Variants in CTNND2 observed in about 807,000 individuals in gnomAD.
CTNND2 encodes catenin delta 2.
CTNND2 carries 22 observed loss-of-function variants against 144.4 expected under a neutral mutation model. The observed-to-expected ratio is 0.15, with a 90% CI of 0.11 to 0.22. The LOEUF (loss-of-function observed/expected upper bound fraction) is 0.22, where lower values mean the gene tolerates loss of function less well. Among genes scored for constraint, CTNND2 ranks in the 10% least tolerant of loss-of-function variants. CTNND2 has a pLI of 1.00. For missense variants in CTNND2, 1,353 were observed against 1,618.8 expected (o/e 0.84, Z 2.82); for synonymous variants, 751 against 695.6 (o/e 1.08, Z -1.25).
chr5:11,762,595 T>C (rs1789331950), intron 1 of CTNND2, among the ~76,000 whole-genome samples: 1 of 152,354 alleles, frequency 6.6e-6, no homozygotes, highest in South Asian at 2.1e-4. Flanking sequence ...AGATGGATGA[T>C]AGCAATCAAG....
chr5:11,491,811 G>C (rs1769415871), intron 3 of CTNND2, among the ~76,000 whole-genome samples: 1 of 152,146 alleles, frequency 6.6e-6, no homozygotes, highest in South Asian at 2.1e-4. Context: ...CCGATACCCA[G>C]TCAATGTTTT....
intron 16 of CTNND2, among the ~76,000 whole-genome samples, chr5:11,040,104 G>A (rs1246254589): frequency 6.6e-6 from 1 of 151,940 alleles, no homozygotes; most frequent in Non-Finnish European, 1.5e-5. Context: ...AAATTAGCTG[G>A]GCATGGTGGC....
chr5:11,773,858 C>CAATCAATTTTAAAAGGA (rs971820279), intron 1 of CTNND2, among the ~76,000 whole-genome samples: 4 of 148,736 alleles, frequency 2.7e-5, no homozygotes, highest in African/African-American at 7.4e-5. Context: ...AATTTATAAC[C>CAATCAATTTTAAAAGGA]AATCAATTTT....
rs189575935 is a variant in CTNND2, at chr5:11,074,821, T to C, written c.2788+7875A>G. On this transcript the variant is annotated intron_variant, in intron 16 of 21. Coordinates refer to ENST00000304623, the MANE Select transcript of CTNND2 (RefSeq NM_001332.4). ...AAGACAGAACATTTTTATGTCGTCC[T>C]TTAAATATCACCAGGAATCTTTGTC... 1.5e-4 allele frequency among the ~76,000 whole-genome samples: 23 copies of C among 152,326 alleles called. No individual in the cohort carries two copies. The East Asian group carries it at 4.2e-3, about 28-fold the overall frequency.
At chr5:11,199,712 C>T (rs890915163) in intron 10 of CTNND2, 51 bp from the exon 11 acceptor site, 4 of 1,359,162 alleles carry the variant, frequency 2.9e-6, no homozygotes, top group African/African-American at 2.9e-5. Context: ...GGTTTCCCTA[C>T]CTACACCAAA....
intron 3 of CTNND2, among the ~76,000 whole-genome samples, chr5:11,432,248 T>C (rs1763370593): frequency 6.7e-6 from 1 of 149,676 alleles, no homozygotes. Context: ...TGTTGCAAGT[T>C]AGCATAAATT....
At chr5:11,716,637 A>G (rs372021150) in intron 2 of CTNND2, among the ~76,000 whole-genome samples, 1 of 152,114 alleles carries the variant, frequency 6.6e-6, no homozygotes, top group South Asian at 2.1e-4. Context: ...CCATCAGTTA[A>G]GAAATTGGAA....
chr5:11,833,920 A>C (rs1440008048), intron 1 of CTNND2, among the ~76,000 whole-genome samples: 1 of 152,248 alleles, frequency 6.6e-6, no homozygotes. Flanking sequence ...TGAGCCTTAT[A>C]GTATGTATAT....
At chr5:11,275,363 T>C (rs1746423074) in intron 9 of CTNND2, among the ~76,000 whole-genome samples, 3 of 152,194 alleles carry the variant, frequency 2.0e-5, no homozygotes, top group Admixed American at 2.0e-4. Context: ...ATGTCATGAC[T>C]GGAAGCCAGC....
chr5:11,711,370 T>C (rs1026963798), intron 2 of CTNND2, among the ~76,000 whole-genome samples: 3 of 152,198 alleles, frequency 2.0e-5, no homozygotes, highest in African/African-American at 7.2e-5. Context: ...TGGCCTAATT[T>C]GATAGCATTT....
chr5:11,385,353 G>C (rs1397012789), intron 6 of CTNND2, 124 bp from the exon 7 acceptor site: 1 of 544,354 alleles, frequency 1.8e-6, no homozygotes, highest in Admixed American at 6.3e-5. Flanking sequence ...GCGGCTCTGC[G>C]ATCCCAGCTG....
intron 2 of CTNND2, among the ~76,000 whole-genome samples, chr5:11,599,109 G>T (rs928208363): frequency 6.6e-6 from 1 of 152,070 alleles, no homozygotes; most frequent in Non-Finnish European, 1.5e-5. Context: ...TGGTGCTAAG[G>T]CATTTGAAAC....
intron 14 of CTNND2, among the ~76,000 whole-genome samples, chr5:11,108,401 T>C (rs1010554678): frequency 1.3e-5 from 2 of 152,208 alleles, no homozygotes; most frequent in Non-Finnish European, 2.9e-5. Flanking sequence ...ACCGTGTATA[T>C]CACAGGTGAA....
At chr5:11,167,159 G>A (rs1282119672) in intron 11 of CTNND2, among the ~76,000 whole-genome samples, 1 of 152,140 alleles carries the variant, frequency 6.6e-6, no homozygotes, top group African/African-American at 2.4e-5. Flanking sequence ...TCAGAGAGCC[G>A]GCAATGGGAA....
intron 11 of CTNND2, among the ~76,000 whole-genome samples, chr5:11,197,673 G>A (rs760657450): frequency 6.6e-5 from 10 of 152,124 alleles, no homozygotes; most frequent in Non-Finnish European, 1.2e-4. Context: ...AAGCAATGTC[G>A]AAGGCAATGG....
At chr5:11,423,950 C>T (rs372303597) in intron 3 of CTNND2, among the ~76,000 whole-genome samples, 17 of 152,090 alleles carry the variant, frequency 1.1e-4, no homozygotes, top group African/African-American at 3.4e-4. Flanking sequence ...TCAATCTTAG[C>T]GCCTTTATAC....
At chr5:11,123,771 C>T (rs1754376071) in intron 12 of CTNND2, among the ~76,000 whole-genome samples, 1 of 152,236 alleles carries the variant, frequency 6.6e-6, no homozygotes, top group African/African-American at 2.4e-5. Context: ...GTGAGAACCA[C>T]GGCCTTAGCC....
At chr5:11,402,592 T>C (rs1383819099) in intron 5 of CTNND2, among the ~76,000 whole-genome samples, 1 of 152,176 alleles carries the variant, frequency 6.6e-6, no homozygotes, top group Non-Finnish European at 1.5e-5. Flanking sequence ...GATGATAAAG[T>C]GGTTGTTTTC....
intron 8 of CTNND2, among the ~76,000 whole-genome samples, chr5:11,362,156 C>T (rs2158099): frequency 4.6e-5 from 7 of 151,844 alleles, no homozygotes; most frequent in Non-Finnish European, 8.8e-5. Context: ...TCCAGGGTAG[C>T]GGTATGTACA....
Sources: allele counts gnomAD v4.1 joint callset (sites outside exome capture counted in the v4.1 genomes callset), GRCh38; gene constraint gnomAD v4.1.1; transcripts MANE v1.5; gene names NCBI Gene and HGNC (gene_info 2026-07-23, HGNC 2026-07-21).